The following PLEKHH1 variants were observed in gnomAD, a reference collection of about 807,000 sequenced individuals.
The protein encoded by PLEKHH1 is pleckstrin homology domain-containing family H member 1.
PLEKHH1 carries 104 observed loss-of-function variants against 160.0 expected under a neutral mutation model. The ratio of observed to expected loss-of-function variants is 0.65; its 90% CI spans 0.55 to 0.76. The LOEUF is 0.76. Among genes scored for constraint, PLEKHH1 ranks in the 30% least tolerant of loss-of-function variants. PLEKHH1 has a pLI of 0.00. For synonymous variants in PLEKHH1, 619 were observed against 678.4 expected, an observed-to-expected ratio of 0.91 and a Z score of 1.36; for missense variants, 1,427 against 1,724.1, an observed-to-expected ratio of 0.83 and a Z score of 3.05.
chr14:67,542,109 A>C lies in PLEKHH1; in HGVS notation c.126+116A>C, dbSNP rs536965852. 1.7e-5 allele frequency: 17 copies of C among 981,034 alleles called. No individual in the cohort carries two copies. In the South Asian group the frequency reaches 2.8e-4, roughly 16 times the overall value. The allele number at this position is 981,034 out of a possible 1,614,324, so 60.8% of individuals were successfully genotyped here. On this transcript the variant is annotated intron_variant, in intron 2 of 28. Transcript: ENST00000329153. Reference sequence around the variant, plus strand: ...AACTTTCAGTAAGATGCTTTTCCCCATATGCAAAATGAAACCCAAGGTAGT... The same window carrying C: ...AACTTTCAGTAAGATGCTTTTCCCCCTATGCAAAATGAAACCCAAGGTAGT...
Position 67,557,427 on chromosome 14 carries a change from T to C in PLEKHH1, c.339+9T>C. ...CTCAGCTGGAGAAGCAGGTAAGGGC[T>C]CATGCGCAAGGGAGCACCATGCCCT... On this transcript the variant is annotated intron_variant, in intron 4 of 28. Transcript: ENST00000329153. The C allele has an allele frequency of 6.2e-7, 1 of 1,611,652 alleles. No homozygotes were observed. Among genetic ancestry groups the C allele is most frequent in the South Asian group, 1.1e-5 (1 of 90,974 alleles).
At chr14:67,544,982 A>G (rs905879425) in intron 2 of PLEKHH1, among the ~76,000 whole-genome samples, 1 of 152,264 alleles carries the variant, frequency 6.6e-6, no homozygotes, top group African/African-American at 2.4e-5. Flanking sequence ...GAATGAGTCT[A>G]ACCAGGGTAA....
rs17249299 is a variant in PLEKHH1 at position 67,582,400 on chromosome 14, C to A, written c.3426+190C>A. 1.1e-6 allele frequency: 1 copy of A among 935,962 alleles called. No individual in the cohort carries two copies. The highest frequency in any genetic ancestry group is 1.6e-6 in the Non-Finnish European group (1 of 630,932). The allele number at this position is 935,962 out of a possible 1,614,324, so 58.0% of individuals were successfully genotyped here. A position where few individuals can be genotyped will look rare whatever the true frequency, so the allele number is the denominator to read the frequency against. ...CCTCACTCACCGCAGATATAGGATG[C>A]GTGCAGATGGCTGGACTTGGAATCC... On this transcript the variant is annotated intron_variant, in intron 24 of 28. Coordinates refer to ENST00000329153, the MANE Select transcript of PLEKHH1 (RefSeq NM_020715.3). The surrounding 1 kb of genome is among the most constrained non-coding windows in gnomAD (Gnocchi z 5.0).
chr14:67,546,924 A>C (rs1296158913), intron 2 of PLEKHH1, among the ~76,000 whole-genome samples: 1 of 152,286 alleles, frequency 6.6e-6, no homozygotes, highest in East Asian at 1.9e-4. Context: ...TTCATAATAA[A>C]TGTTTTAGAG....
chr14:67,583,738 C>G lies in PLEKHH1; in HGVS notation c.3427-3C>G. 6.2e-7 allele frequency: 1 copy of G among 1,608,284 alleles called. No homozygotes were observed. The highest frequency in any genetic ancestry group is 1.1e-5 in the South Asian group (1 of 90,318). ...CTGGTCTCTTCATATGCTTCTACCA[C>G]AGGTAGAATATGGGGACTTGGAGAA... On this transcript the variant is annotated splice_polypyrimidine_tract_variant and splice_region_variant and intron_variant, in intron 24 of 28. Coordinates refer to ENST00000329153, the MANE Select transcript of PLEKHH1 (RefSeq NM_020715.3).
chr14:67,555,781 A>G (rs371569953), intron 2 of PLEKHH1, 44 bp from the exon 3 acceptor site: 51 of 1,607,840 alleles, frequency 3.2e-5, no homozygotes, highest in South Asian at 6.7e-5. Flanking sequence ...TGTTCACAGT[A>G]GGGACATGGC....
rs1462115183 is a variant in PLEKHH1 at position 67,587,392 on chromosome 14, G to A, written c.*157G>A. The stretch of plus-strand genomic sequence containing the variant: ...GTCTCTGTGAAGCCTTTACTCTCTA[G>A]GTGCCTTATAATGTTTCAGGGCTCA... On this transcript the variant is annotated 3_prime_UTR_variant, in exon 29 of 29. Transcript: ENST00000329153. 5 of 803,562 alleles carry A rather than the reference G, an allele frequency of 6.2e-6. No individual in the cohort carries two copies. Among genetic ancestry groups the A allele is most frequent in the Non-Finnish European group, 1.0e-5 (5 of 487,040 alleles). The allele number at this position is 803,562 out of a possible 1,614,324, so 49.8% of individuals were successfully genotyped here.
At chr14:67,537,143 G>C (rs1312800927) in intron 1 of PLEKHH1, among the ~76,000 whole-genome samples, 1 of 145,804 alleles carries the variant, frequency 6.9e-6, no homozygotes, top group African/African-American at 2.6e-5. Context: ...CCAGGAGTTC[G>C]AGACCAGCCT....
Position 67,578,764 on chromosome 14 carries a change from C to T in PLEKHH1, c.2849+133C>T. ...AACCGCTCAGTGGTCGTGGAGACTTCACCCATTGCCGTGTGCACAAATGGG... is the reference window on the plus strand; with the variant it reads ...AACCGCTCAGTGGTCGTGGAGACTTTACCCATTGCCGTGTGCACAAATGGG... On this transcript the variant is annotated intron_variant, in intron 20 of 28. Transcript: ENST00000329153. The surrounding 1 kb of genome is among the most constrained non-coding windows in gnomAD (Gnocchi z 5.0). 1 of 689,230 alleles carries T rather than the reference C, an allele frequency of 1.5e-6. No homozygotes were observed. Among genetic ancestry groups the T allele is most frequent in the South Asian group, 1.6e-5 (1 of 61,532 alleles). The allele number at this position is 689,230 out of a possible 1,614,324, so 42.7% of individuals were successfully genotyped here. A position where few individuals can be genotyped will look rare whatever the true frequency, so the allele number is the denominator to read the frequency against.
chr14:67,583,674 C>T, intron 24 of PLEKHH1, 67 bp from the exon 25 acceptor site: 2 of 1,263,878 alleles, frequency 1.6e-6, no homozygotes, highest in South Asian at 2.8e-5. Flanking sequence ...TTTCACCTCT[C>T]AACAGCCCCC....
At chr14:67,585,704 GTCTTT>G in intron 27 of PLEKHH1, 50 bp downstream of exon 27, 1 of 1,336,446 alleles carries the variant, frequency 7.5e-7, no homozygotes, top group Non-Finnish European at 1.0e-6. Flanking sequence ...CCTCAACATG[GTCTTT>G]TCTTCTCCTC....
chr14:67,541,839 C>T lies in PLEKHH1; in HGVS notation c.-29C>T. ...TTCTGCATGCTGGTTCTTAGGGCTC[C>T]CCAGAATAATCCAGAAGTCGATTCC... On this transcript the variant is annotated 5_prime_UTR_variant, in exon 2 of 29. Transcript: ENST00000329153. 6.4e-7 allele frequency: 1 copy of T among 1,567,078 alleles called. No individual in the cohort carries two copies. The highest frequency in any genetic ancestry group is 8.6e-7 in the Non-Finnish European group (1 of 1,156,694).
At chr14:67,542,872 G>A (rs1230999175) in intron 2 of PLEKHH1, among the ~76,000 whole-genome samples, 1 of 151,912 alleles carries the variant, frequency 6.6e-6, no homozygotes, top group African/African-American at 2.4e-5. Context: ...GGCTAATTTT[G>A]TGTTATTAGT....
intron 14 of PLEKHH1, among the ~76,000 whole-genome samples, chr14:67,575,089 G>A (rs1336473384): frequency 6.6e-6 from 1 of 151,868 alleles, no homozygotes; most frequent in Non-Finnish European, 1.5e-5. Context: ...CCTGACAACT[G>A]TGGCTTCTGC....
chr14:67,539,978 T>C (rs905040685), intron 1 of PLEKHH1, among the ~76,000 whole-genome samples: 3 of 152,124 alleles, frequency 2.0e-5, no homozygotes, highest in Non-Finnish European at 4.4e-5. Flanking sequence ...AGAAGCACGA[T>C]TGGTGATTAG....
Position 67,575,479 on chromosome 14 carries a change from CT to C in PLEKHH1, c.2169+8del. ...TCGGAGCCATGAGGACAAGGTACTT[CT>C]CAGCCTCCTCACAATACCCACTCTC... On this transcript the variant is annotated splice_region_variant and intron_variant, in intron 15 of 28. Transcript: ENST00000329153. The C allele has an allele frequency of 6.4e-7, 1 of 1,556,666 alleles. No individual in the cohort carries two copies. The highest frequency in any genetic ancestry group is 1.2e-5 in the South Asian group (1 of 86,316).
chr14:67,569,240 G>A (rs2035254157), intron 8 of PLEKHH1, 24 bp downstream of exon 8: 2 of 1,545,868 alleles, frequency 1.3e-6, no homozygotes, highest in Non-Finnish European at 1.8e-6. Context: ...GAGGCTTGGA[G>A]GCACCAAACA....
chr14:67,556,013 G>A, intron 3 of PLEKHH1, 126 bp downstream of exon 3: 3 of 1,257,350 alleles, frequency 2.4e-6, no homozygotes, highest in Non-Finnish European at 3.4e-6. Flanking sequence ...GAACAAATGA[G>A]TGTGCGTGGA....
intron 2 of PLEKHH1, among the ~76,000 whole-genome samples, chr14:67,548,641 G>A (rs1461052671): frequency 6.6e-6 from 1 of 152,194 alleles, no homozygotes; most frequent in Non-Finnish European, 1.5e-5. Context: ...AGGTTGCGGT[G>A]AGCCAAGATT....
Sources: gnomAD v4.1 joint callset for allele counts (sites outside exome capture counted in the v4.1 genomes callset) on GRCh38, gnomAD v4.1.1 for gene constraint, Gnocchi (gnomAD v3.1) non-coding constraint, MANE v1.5 for transcripts, NCBI Gene and HGNC (gene_info 2026-07-23, HGNC 2026-07-21) for gene names.